ZFAT: variants seen among roughly 807,000 people sequenced by gnomAD.
ZFAT encodes the protein zinc finger protein ZFAT.
Under a neutral mutation model 117.7 loss-of-function variants are expected in ZFAT, and 64 were observed. That is an observed-to-expected ratio of 0.54 (90% CI 0.44 to 0.67). The LOEUF is 0.67. Among genes scored for constraint, ZFAT ranks in the 30% least tolerant of loss-of-function variants. The pLI is 0.00. For synonymous variants in ZFAT, 679 were observed against 615.0 expected, an observed-to-expected ratio of 1.10 and a Z score of -1.54; for missense variants, 1,433 against 1,584.5, an observed-to-expected ratio of 0.90 and a Z score of 1.62.
At chr8:134,786,857 T>TA in the ZFAT span, among the ~76,000 whole-genome samples, 2 of 136,620 alleles carry the variant, frequency 1.5e-5, no homozygotes, top group Admixed American at 7.0e-5. Context: ...TTTTTTTTTT[T>TA]AATTTTAGAC....
intron 1 of ZFAT, among the ~76,000 whole-genome samples, chr8:134,696,805 C>T (rs968716596): frequency 3.9e-5 from 6 of 152,246 alleles, no homozygotes; most frequent in Non-Finnish European, 8.8e-5. Context: ...CCGCTCCAGT[C>T]CCAGGAGGCT....
At chr8:134,649,165 T>TCTCACACACACA (rs1554614264) in intron 2 of ZFAT, among the ~76,000 whole-genome samples, 1,763 of 76,940 alleles carry the variant, frequency 0.023, 51 homozygotes, top group African/African-American at 0.067. Flanking sequence ...CATCTATCTC[T>TCTCACACACACA]CACACACACA....
chr8:134,624,133 A>C (rs1245516436), intron 3 of ZFAT, among the ~76,000 whole-genome samples: 1 of 151,604 alleles, frequency 6.6e-6, no homozygotes, highest in Non-Finnish European at 1.5e-5. Context: ...AGGGCTCAAA[A>C]AGTTCCCATT....
rs529398607 is a variant in ZFAT at position 134,661,552 on chromosome 8, C to T, written c.20-3815G>A. ...AGCATCTGGCTAGCCTTGGACACCTCAGTGCACCTGGAGGACAGCAAGTGG... is the reference window on the plus strand; with the variant it reads ...AGCATCTGGCTAGCCTTGGACACCTTAGTGCACCTGGAGGACAGCAAGTGG... On this transcript the variant is annotated intron_variant, in intron 1 of 15. Coordinates refer to ENST00000377838, the MANE Select transcript of ZFAT (RefSeq NM_020863.4). Among the ~76,000 whole-genome samples, 8 of 152,220 alleles carry T rather than the reference C, an allele frequency of 5.3e-5. 1 individual carries two copies. Among genetic ancestry groups the T allele is most frequent in the African/African-American group, 1.9e-4 (8 of 41,552 alleles).
chr8:134,600,790 C>CTTCA (rs1827368300), intron 6 of ZFAT, 122 bp from the exon 7 acceptor site: 1 of 806,518 alleles, frequency 1.2e-6, no homozygotes, highest in African/African-American at 1.8e-5. Flanking sequence ...CCGGGTCACC[C>CTTCA]TTCATACTTT....
chr8:134,617,471 A>T (rs891336788), intron 3 of ZFAT, among the ~76,000 whole-genome samples: 1 of 152,232 alleles, frequency 6.6e-6, no homozygotes, highest in African/African-American at 2.4e-5. Context: ...TTAAGATTAG[A>T]TATTTCTTGG....
chr8:134,529,290 G>C (rs2130537320), intron 12 of ZFAT, among the ~76,000 whole-genome samples: 1 of 152,308 alleles, frequency 6.6e-6, no homozygotes, highest in East Asian at 1.9e-4. Context: ...ATAAAGCTTA[G>C]CACCAAAGTA....
the ZFAT span, among the ~76,000 whole-genome samples, chr8:134,811,070 G>A: frequency 6.6e-6 from 1 of 151,976 alleles, no homozygotes; most frequent in South Asian, 2.1e-4. Context: ...TTAATAGAAG[G>A]AAATAGTACA....
chr8:134,830,031 T>A, the ZFAT span, among the ~76,000 whole-genome samples: 2 of 152,182 alleles, frequency 1.3e-5, no homozygotes, highest in Non-Finnish European at 2.9e-5. Context: ...CACTTTCCCA[T>A]GTGTTTTTAC....
chr8:134,768,718 A>C, the ZFAT span, among the ~76,000 whole-genome samples: 2 of 152,204 alleles, frequency 1.3e-5, no homozygotes, highest in Non-Finnish European at 2.9e-5. Flanking sequence ...TTCCTTCCAC[A>C]ACATGTGGGA....
intron 11 of ZFAT, among the ~76,000 whole-genome samples, chr8:134,540,207 CA>C (rs1586670778): frequency 6.6e-6 from 1 of 152,064 alleles, no homozygotes; most frequent in Non-Finnish European, 1.5e-5. Context: ...GGCAGGCAGC[CA>C]AAAGGAGATG....
chr8:134,802,872 A>G, the ZFAT span, among the ~76,000 whole-genome samples: 2 of 152,218 alleles, frequency 1.3e-5, no homozygotes, highest in African/African-American at 2.4e-5. Context: ...GCCATTTGCT[A>G]TAAATAATCA....
At chr8:134,755,825 AAAAAAAAAAAAGAAAAAG>A in the ZFAT span, among the ~76,000 whole-genome samples, 2 of 140,694 alleles carry the variant, frequency 1.4e-5, no homozygotes, top group Admixed American at 6.9e-5. Flanking sequence ...CTCAAAAAAA[AAAAAAAAAAAAGAAAAAG>A]AAAAAAAAAA....
intron 15 of ZFAT, among the ~76,000 whole-genome samples, chr8:134,486,275 TGGGA>T (rs1181823379): frequency 6.6e-6 from 1 of 152,130 alleles, no homozygotes; most frequent in Non-Finnish European, 1.5e-5. Context: ...CGTCAGGCAC[TGGGA>T]GGAAGATGAA....
the ZFAT span, among the ~76,000 whole-genome samples, chr8:134,764,167 AC>A: frequency 6.6e-6 from 1 of 152,152 alleles, no homozygotes; most frequent in Non-Finnish European, 1.5e-5. Flanking sequence ...GAAGATGAAG[AC>A]CCCACTGGTC....
chr8:134,487,651 T>A (rs1340591746), intron 15 of ZFAT, among the ~76,000 whole-genome samples: 7 of 152,224 alleles, frequency 4.6e-5, no homozygotes, highest in Non-Finnish European at 8.8e-5. Context: ...TGAACACACA[T>A]GCCCTCTCGC....
the ZFAT span, among the ~76,000 whole-genome samples, chr8:134,825,803 G>GAGGTCAGGA: frequency 3.3e-5 from 5 of 152,076 alleles, no homozygotes; most frequent in Non-Finnish European, 7.4e-5. Flanking sequence ...GGCGGATCAC[G>GAGGTCAGGA]AGGTCAGGAG....
rs144286031 is a variant in ZFAT at position 134,712,382 on chromosome 8, G to A, written c.19+463C>T. Among the ~76,000 whole-genome samples, 950 of 152,302 alleles carry A rather than the reference G, an allele frequency of 6.2e-3. 11 individuals carry two copies. The highest frequency in any genetic ancestry group is 0.021 in the African/African-American group (887 of 41,560). Reference sequence around the variant, plus strand: ...AATGACTTGCACCGGGTGTCAAGTGGAAGATCTGTCACTCTATTAGGTCCA... The same window carrying A: ...AATGACTTGCACCGGGTGTCAAGTGAAAGATCTGTCACTCTATTAGGTCCA... On this transcript the variant is annotated intron_variant, in intron 1 of 15. Transcript: ENST00000377838.
the ZFAT span, among the ~76,000 whole-genome samples, chr8:134,770,350 A>T: frequency 6.6e-6 from 1 of 152,364 alleles, no homozygotes; most frequent in African/African-American, 2.4e-5. Flanking sequence ...ATGGACATTT[A>T]TTAGTTCCTT....
Sources: allele counts gnomAD v4.1 joint callset (sites outside exome capture counted in the v4.1 genomes callset), GRCh38; gene constraint gnomAD v4.1.1; transcripts MANE v1.5; gene names NCBI Gene and HGNC (gene_info 2026-07-23, HGNC 2026-07-21).